CEP128: variants seen among roughly 807,000 people sequenced by gnomAD.
The protein encoded by CEP128 is centrosomal protein 128kDa.
A neutral mutation model predicts 156.7 loss-of-function variants in CEP128; 132 were observed. That is an observed-to-expected ratio of 0.84 (90% CI 0.73 to 0.97). The LOEUF is 0.97. Among genes scored for constraint, CEP128 ranks in the 50% least tolerant of loss-of-function variants. The pLI is 0.00. For synonymous variants in CEP128, 469 were observed against 448.9 expected, an observed-to-expected ratio of 1.04 and a Z score of -0.57; for missense variants, 1,252 against 1,281.9, an observed-to-expected ratio of 0.98 and a Z score of 0.36.
intron 19 of CEP128, among the ~76,000 whole-genome samples, chr14:80,703,032 T>C (rs1459470949): frequency 6.6e-6 from 1 of 152,026 alleles, no homozygotes; most frequent in Admixed American, 6.6e-5. Context: ...TTGGAGAGAA[T>C]GGAACTAATG....
At chr14:80,630,934 G>GT (rs963328769) in intron 19 of CEP128, among the ~76,000 whole-genome samples, 2 of 151,920 alleles carry the variant, frequency 1.3e-5, no homozygotes, top group Non-Finnish European at 2.9e-5. Flanking sequence ...TTGGGCTTCT[G>GT]TTTTTTACCC....
intron 20 of CEP128, among the ~76,000 whole-genome samples, chr14:80,579,765 A>G (rs528600816): frequency 6.6e-6 from 1 of 152,340 alleles, no homozygotes; most frequent in Admixed American, 6.5e-5. Context: ...CAGACACTTG[A>G]GTTACCCATT....
chr14:80,838,424 A>G, intron 10 of CEP128, 146 bp from the exon 11 acceptor site: 1 of 596,298 alleles, frequency 1.7e-6, no homozygotes, highest in Non-Finnish European at 3.0e-6. Context: ...TCTCACTATG[A>G]ACATATATCA....
intron 9 of CEP128, among the ~76,000 whole-genome samples, chr14:80,860,992 G>C (rs1399393113): frequency 6.6e-6 from 1 of 151,596 alleles, no homozygotes; most frequent in Non-Finnish European, 1.5e-5. Flanking sequence ...TTTATGTATA[G>C]ACCAAAGAAA....
chr14:80,620,765 G>T (rs1327850973), intron 19 of CEP128, among the ~76,000 whole-genome samples: 1 of 152,186 alleles, frequency 6.6e-6, no homozygotes, highest in East Asian at 1.9e-4. Flanking sequence ...TCTGAGGGTA[G>T]AAATATTGAG....
At chr14:80,943,479 A>G (rs1192107636), upstream of CEP128, among the ~76,000 whole-genome samples, 1 of 152,244 alleles carries the variant, frequency 6.6e-6, no homozygotes, top group Non-Finnish European at 1.5e-5. Flanking sequence ...TGGTTCAACC[A>G]TATTTAGAGA....
chr14:80,596,105 GA>G (rs1005166270), intron 19 of CEP128, among the ~76,000 whole-genome samples: 2 of 143,424 alleles, frequency 1.4e-5, no homozygotes, highest in Non-Finnish European at 3.0e-5. Context: ...AACATAGACA[GA>G]AAAAAAGGCA....
intron 19 of CEP128, among the ~76,000 whole-genome samples, chr14:80,648,428 G>A (rs74455288): frequency 0.023 from 3,485 of 152,082 alleles, 141 homozygotes; most frequent in African/African-American, 0.078. Context: ...TCAGTTATCA[G>A]TAATAATGAA....
upstream of CEP128, among the ~76,000 whole-genome samples, chr14:80,944,496 T>C (rs1303830239): frequency 6.6e-6 from 1 of 152,176 alleles, no homozygotes; most frequent in African/African-American, 2.4e-5. Flanking sequence ...TTCCTGAGGC[T>C]TCCCCAGCCA....
intron 19 of CEP128, among the ~76,000 whole-genome samples, chr14:80,602,497 C>T (rs113118426): frequency 1.9e-4 from 29 of 152,266 alleles, no homozygotes; most frequent in African/African-American, 7.0e-4. Context: ...GGAGGCTGGG[C>T]GTGGTGGCTT....
chr14:80,797,918 A>G (rs1033094161), intron 13 of CEP128, among the ~76,000 whole-genome samples: 1 of 152,164 alleles, frequency 6.6e-6, no homozygotes, highest in Admixed American at 6.5e-5. Flanking sequence ...CAGTTCTATT[A>G]TTACTATTAT....
intron 23 of CEP128, among the ~76,000 whole-genome samples, chr14:80,515,133 T>C (rs1888430191): frequency 1.3e-5 from 2 of 152,182 alleles, no homozygotes; most frequent in South Asian, 4.1e-4. Context: ...GGAGAGGTGA[T>C]AGAAACATCC....
downstream of CEP128, among the ~76,000 whole-genome samples, chr14:80,491,846 G>C (rs1887335780): frequency 6.6e-6 from 1 of 152,176 alleles, no homozygotes. Flanking sequence ...AAAGGATGAA[G>C]TGCTACCACA....
chr14:80,477,170 T>G (rs1886960618), exon 15 of CEP128: 1 of 152,006 alleles, frequency 6.6e-6, no homozygotes, highest in South Asian at 2.1e-4. Context: ...AACAGAAAAC[T>G]AGGACCTAAA....
At chr14:80,757,300 A>T (rs897624780) in intron 17 of CEP128, among the ~76,000 whole-genome samples, 4 of 152,172 alleles carry the variant, frequency 2.6e-5, no homozygotes, top group Non-Finnish European at 4.4e-5. Flanking sequence ...TCCTCTCCTC[A>T]GTCGTGTTCT....
At chr14:80,641,789 A>G (rs1043577745) in intron 19 of CEP128, among the ~76,000 whole-genome samples, 10 of 152,156 alleles carry the variant, frequency 6.6e-5, no homozygotes, top group African/African-American at 2.4e-4. Context: ...TAGTAATACA[A>G]TTCAATTAAA....
chr14:80,489,718 C>T (rs1411996784), downstream of CEP128, among the ~76,000 whole-genome samples: 5 of 150,152 alleles, frequency 3.3e-5, no homozygotes, highest in Admixed American at 2.0e-4. Flanking sequence ...GCTGCTCTCT[C>T]GTCTCCTTAA....
chr14:80,956,394 A>G (rs1464761292), intron 2 of CEP128, among the ~76,000 whole-genome samples: 1 of 152,220 alleles, frequency 6.6e-6, no homozygotes, highest in African/African-American at 2.4e-5. Flanking sequence ...TCAAATGTGA[A>G]CTGCCAGTGA....
At chr14:80,905,809 G>A in intron 5 of CEP128, 146 bp downstream of exon 5, 1 of 685,122 alleles carries the variant, frequency 1.5e-6, no homozygotes, top group East Asian at 3.1e-5. Flanking sequence ...TTCAAAGCAT[G>A]TACTATAAAA....
Sources: gnomAD v4.1 joint callset for allele counts (sites outside exome capture counted in the v4.1 genomes callset) on GRCh38, gnomAD v4.1.1 for gene constraint, MANE v1.5 for transcripts, NCBI Gene and HGNC (gene_info 2026-07-23, HGNC 2026-07-21) for gene names.